The following TGFBR3 variants were observed in gnomAD, a reference collection of about 807,000 sequenced individuals.
The protein encoded by TGFBR3 is transforming growth factor beta receptor type 3.
In TGFBR3, 46 loss-of-function variants were observed where a neutral mutation model predicts 87.9. The observed-to-expected ratio is 0.52, with a 90% CI of 0.41 to 0.67. TGFBR3 has a LOEUF of 0.67. TGFBR3 is among the 30% of genes least tolerant of loss of function. TGFBR3 has a pLI of 0.00. For synonymous variants in TGFBR3, 381 were observed against 391.6 expected, an observed-to-expected ratio of 0.97 and a Z score of 0.32; for missense variants, 866 against 1,041.9, an observed-to-expected ratio of 0.83 and a Z score of 2.32.
chr1:91,732,319 C>CCCAA (rs1386727513), intron 5 of TGFBR3, among the ~76,000 whole-genome samples: 4 of 152,162 alleles, frequency 2.6e-5, no homozygotes, highest in African/African-American at 9.7e-5. Flanking sequence ...TCCCAAACGT[C>CCCAA]AGCAAGCATC....
chr1:91,855,271 A>G (rs1677895609), intron 2 of TGFBR3, among the ~76,000 whole-genome samples: 1 of 152,236 alleles, frequency 6.6e-6, no homozygotes, highest in Non-Finnish European at 1.5e-5. Context: ...AGACAGTGGA[A>G]TGAAGAAGTT....
At chr1:91,901,808 G>A (rs1679726542) in intron 1 of TGFBR3, among the ~76,000 whole-genome samples, 2 of 151,522 alleles carry the variant, frequency 1.3e-5, no homozygotes, top group South Asian at 4.2e-4. Flanking sequence ...AGCTACTCCA[G>A]AGGCTGAGGT....
chr1:91,870,712 T>A (rs1309111470), intron 1 of TGFBR3, among the ~76,000 whole-genome samples: 4 of 152,154 alleles, frequency 2.6e-5, no homozygotes, highest in African/African-American at 4.8e-5. Context: ...AGATGCTAAG[T>A]AAGGCTGGGT....
chr1:91,812,193 T>C (rs1488894663), intron 2 of TGFBR3, among the ~76,000 whole-genome samples: 1 of 152,214 alleles, frequency 6.6e-6, no homozygotes, highest in East Asian at 1.9e-4. Context: ...ATACCAAAGC[T>C]ACATCTATTA....
chr1:91,729,684 A>G (rs1211998550), intron 6 of TGFBR3, 121 bp downstream of exon 6: 6 of 1,160,596 alleles, frequency 5.2e-6, no homozygotes, highest in African/African-American at 4.5e-5. Flanking sequence ...TGAAGCATCA[A>G]TGGCTCCCTT....
At chr1:91,790,119 A>G (rs1227425978) in intron 3 of TGFBR3, among the ~76,000 whole-genome samples, 2 of 152,170 alleles carry the variant, frequency 1.3e-5, no homozygotes, top group African/African-American at 2.4e-5. Flanking sequence ...AGAGAGAAAT[A>G]GTACAGGCAT....
chr1:91,691,585 A>G (rs80151214), intron 16 of TGFBR3, among the ~76,000 whole-genome samples: 24,576 of 152,210 alleles, frequency 0.16, 2,549 homozygotes, highest in East Asian at 0.4. Flanking sequence ...TGTGAAAAAC[A>G]TTTGCGTCCT....
At chr1:91,833,414 T>TGGTGCTA in intron 2 of TGFBR3, among the ~76,000 whole-genome samples, 1 of 113,786 alleles carries the variant, frequency 8.8e-6, no homozygotes, top group East Asian at 2.8e-4. Flanking sequence ...AGAGCCAAGA[T>TGGTGCTA]CACACCACTG....
chr1:91,689,362 G>C (rs528704836), intron 16 of TGFBR3, among the ~76,000 whole-genome samples: 4 of 152,262 alleles, frequency 2.6e-5, no homozygotes, highest in Admixed American at 2.6e-4. Flanking sequence ...TAATCAGTCT[G>C]TTTGGTTATT....
upstream of TGFBR3, among the ~76,000 whole-genome samples, chr1:91,890,942 G>T (rs1458452111): frequency 6.6e-6 from 1 of 151,590 alleles, no homozygotes; most frequent in Non-Finnish European, 1.5e-5. Flanking sequence ...CTGTCACCCA[G>T]GCTAGAGTGC....
intron 16 of TGFBR3, among the ~76,000 whole-genome samples, chr1:91,684,867 T>C (rs1415843476): frequency 6.6e-6 from 1 of 152,172 alleles, no homozygotes; most frequent in African/African-American, 2.4e-5. Context: ...CCTCCTTCAA[T>C]GTGGGAAACC....
rs1488183596 is a variant in TGFBR3, at chr1:91,682,290, G to T, written c.*1449C>A. ...ATATTTTGGGGGTAGAATCTATCTTGTTCTACTTATGGAATTCTAAGTTGT... is the reference window on the plus strand; with the variant it reads ...ATATTTTGGGGGTAGAATCTATCTTTTTCTACTTATGGAATTCTAAGTTGT... On this transcript the variant is annotated 3_prime_UTR_variant, in exon 17 of 17. Coordinates refer to ENST00000212355, the MANE Select transcript of TGFBR3 (RefSeq NM_003243.5). 2.2e-6 allele frequency: 1 copy of T among 453,248 alleles called. No individual in the cohort carries two copies. The allele number at this position is 453,248 out of a possible 1,614,324, so 28.1% of individuals were successfully genotyped here.
intron 1 of TGFBR3, among the ~76,000 whole-genome samples, chr1:91,884,920 C>G (rs1198039354): frequency 6.6e-6 from 1 of 152,254 alleles, no homozygotes; most frequent in Non-Finnish European, 1.5e-5. Flanking sequence ...GCCTGGTTCC[C>G]CAGCACAGCC....
intron 3 of TGFBR3, among the ~76,000 whole-genome samples, chr1:91,791,691 T>G (rs934254615): frequency 6.6e-6 from 1 of 152,186 alleles, no homozygotes; most frequent in Admixed American, 6.5e-5. Flanking sequence ...AGCTTGCAGC[T>G]TGCACTGTAG....
intron 3 of TGFBR3, among the ~76,000 whole-genome samples, chr1:91,782,438 G>A (rs142808955): frequency 5.9e-5 from 9 of 152,242 alleles, no homozygotes; most frequent in Non-Finnish European, 1.3e-4. Flanking sequence ...GTGTCCCAAC[G>A]GACCTTTGGC....
intron 2 of TGFBR3, among the ~76,000 whole-genome samples, chr1:91,838,662 G>A (rs1279231783): frequency 2.6e-5 from 4 of 151,168 alleles, no homozygotes; most frequent in African/African-American, 9.7e-5. Context: ...GTAGAGACAG[G>A]GTTTCACCGC....
At position 91,682,165 on chromosome 1, in the gene TGFBR3, C is replaced by T. The variant is rs760851199; in HGVS notation, c.*1574G>A. On this transcript the variant is annotated 3_prime_UTR_variant, in exon 17 of 17. Transcript: ENST00000212355. ...TACTTGTTTCCCATGTAGACACTGC[C>T]CTAAGGTTTTAAGCTTCATCAGGAT... is the stretch of plus-strand genomic sequence containing the variant. The T allele has an allele frequency of 6.6e-6, 3 of 453,946 alleles. No homozygotes were observed. Among genetic ancestry groups the T allele is most frequent in the South Asian group, 4.7e-5 (3 of 64,456 alleles). The allele number at this position is 453,946 out of a possible 1,614,324, so 28.1% of individuals were successfully genotyped here.
chr1:91,826,889 C>T (rs1676659811), intron 2 of TGFBR3, among the ~76,000 whole-genome samples: 1 of 152,080 alleles, frequency 6.6e-6, no homozygotes, highest in Admixed American at 6.6e-5. Context: ...CACTGCAAGT[C>T]ACATATTTTG....
chr1:91,713,661 C>T (rs1401531862), intron 12 of TGFBR3, among the ~76,000 whole-genome samples: 3 of 152,302 alleles, frequency 2.0e-5, no homozygotes, highest in Admixed American at 6.5e-5. Flanking sequence ...GTGAAAGATT[C>T]CTACGTGGTG....
Sources: allele counts gnomAD v4.1 joint callset (sites outside exome capture counted in the v4.1 genomes callset), GRCh38; gene constraint gnomAD v4.1.1; transcripts MANE v1.5; gene names NCBI Gene and HGNC (gene_info 2026-07-23, HGNC 2026-07-21).